The following USF3 variants were observed in gnomAD, a reference collection of about 807,000 sequenced individuals.
USF3 encodes the protein basic helix-loop-helix domain-containing protein USF3.
USF3 carries 29 observed loss-of-function variants against 157.5 expected under a neutral mutation model. That is an observed-to-expected ratio of 0.18 (90% CI 0.14 to 0.25). The LOEUF (loss-of-function observed/expected upper bound fraction) is 0.25, where lower values mean the gene tolerates loss of function less well. Among genes scored for constraint, USF3 ranks in the 10% least tolerant of loss-of-function variants. The pLI is 1.00. For synonymous variants in USF3, 893 were observed against 941.4 expected (o/e 0.95, Z 0.94); for missense variants, 2,381 against 2,667.6 (o/e 0.89, Z 2.37).
At position 113,657,486 on chromosome 3, in the gene USF3, G is replaced by C; in HGVS notation, c.4196C>G (p.Thr1399Arg). ...VSNPAHGDGL[T>R]RLFPPSNNFV... is the part of the protein sequence containing the mutation. ...GTTGTTACTAGGTGGAAATAATCGT[G>C]TAAGGCCATCTCCATGAGCTGGGTT... Residue 1399 changes from threonine (T) to arginine (R), a missense_variant, in exon 7 of 7, where the codon ACA becomes AGA. This residue lies in a region of USF3 where 1,435 missense variants were observed against 1,550.9 expected (regional missense o/e 0.93). Coordinates refer to ENST00000316407, the MANE Select transcript of USF3 (RefSeq NM_001009899.4). 1 of 1,614,190 alleles carries C rather than the reference G, an allele frequency of 6.2e-7. No homozygotes were observed. Among genetic ancestry groups the C allele is most frequent in the Non-Finnish European group, 8.5e-7 (1 of 1,180,032 alleles).
At position 113,661,095 on chromosome 3, in the gene USF3, A is replaced by T. The variant is rs1260770167; in HGVS notation, c.587T>A (p.Val196Glu). Residue 196 changes from valine to glutamate, a missense_variant, in exon 7 of 7, where the codon GTA becomes GAA. Val to Glu is a moderately radical substitution (Grantham distance 121). Around this residue, in one of 6 missense-constraint regions of USF3, gnomAD observed 1,435 missense variants for 1,550.9 expected, o/e 0.93. Coordinates refer to ENST00000316407, the MANE Select transcript of USF3 (RefSeq NM_001009899.4). The stretch of plus-strand genomic sequence containing the variant: ...AGAAGGGTAAACTCCAGAAATAGAT[A>T]CAGGAGTCACAAGATTGCAAGTCCT... ...VQRTCNLVTP[V>E]SISGVYPSEN... The T allele has an allele frequency of 1.2e-6, 2 of 1,614,154 alleles. No homozygotes were observed. The highest frequency in any genetic ancestry group is 1.7e-6 in the Non-Finnish European group (2 of 1,179,972).
At chr3:113,693,581 T>C (rs1195850735) in intron 1 of USF3, among the ~76,000 whole-genome samples, 1 of 151,868 alleles carries the variant, frequency 6.6e-6, no homozygotes, top group Non-Finnish European at 1.5e-5. Context: ...GTCAGAAGGG[T>C]TCCAAACCAA....
In USF3 at chr3:113,660,723, G is replaced by C; in HGVS notation, c.959C>G (p.Ser320Cys). 6.2e-7 allele frequency: 1 copy of C among 1,614,228 alleles called. No homozygotes were observed. The highest frequency in any genetic ancestry group is 8.5e-7 in the Non-Finnish European group (1 of 1,180,042). ...TCTGAAGTCCTGTATGCTCAGGCAG[G>C]ACTTGTTTCCATGGTGCACTTTAGT... ...TATKVHHGNKSCLSIQDFRGD... is the reference protein window; with the variant it reads ...TATKVHHGNKCCLSIQDFRGD... The change falls in exon 7 of 7, where the codon TCC becomes TGC. Residue 320 changes from serine to cysteine, a missense_variant. Around this residue, in one of 6 missense-constraint regions of USF3, gnomAD observed 1,435 missense variants for 1,550.9 expected, o/e 0.93. Transcript: ENST00000316407.
At chr3:113,695,701 A>G (rs1415677622) in intron 1 of USF3, among the ~76,000 whole-genome samples, 1 of 152,228 alleles carries the variant, frequency 6.6e-6, no homozygotes, top group African/African-American at 2.4e-5. Context: ...GGTTGGGAGG[A>G]CAAGCTTCAA....
chr3:113,693,395 A>C (rs370630822), intron 1 of USF3, among the ~76,000 whole-genome samples: 8 of 152,344 alleles, frequency 5.3e-5, no homozygotes, highest in African/African-American at 1.9e-4. Context: ...AAGTGCTAGC[A>C]CAGAAACAAG....
At position 113,658,089 on chromosome 3, in the gene USF3, G is replaced by T; in HGVS notation, c.3593C>A (p.Ser1198Tyr). ...CATAGTTGCTTCAATTGAACCCTGAGAATTAAATTCATTTGGTGTTGCTTC... is the reference window on the plus strand; with the variant it reads ...CATAGTTGCTTCAATTGAACCCTGATAATTAAATTCATTTGGTGTTGCTTC... ...QAEATPNEFN[S>Y]QGSIEATMER... is the part of the protein sequence containing the mutation. The change falls in exon 7 of 7, where the codon TCT becomes TAT. Residue 1198 changes from serine (S) to tyrosine (Y), a missense_variant. By Grantham distance (144) the Ser-to-Tyr change is moderately radical. Coordinates refer to ENST00000316407, the MANE Select transcript of USF3 (RefSeq NM_001009899.4). 6.2e-7 allele frequency: 1 copy of T among 1,614,158 alleles called. No individual in the cohort carries two copies. Among genetic ancestry groups the T allele is most frequent in the Non-Finnish European group, 8.5e-7 (1 of 1,180,022 alleles).
In USF3 at chr3:113,660,165, A is replaced by G; in HGVS notation, c.1517T>C (p.Met506Thr). The G allele has an allele frequency of 6.2e-7, 1 of 1,614,194 alleles. No homozygotes were observed. The highest frequency in any genetic ancestry group is 1.3e-5 in the African/African-American group (1 of 75,050). Residue 506 changes from methionine (M) to threonine (T), a missense_variant, in exon 7 of 7, where the codon ATG becomes ACG. Met to Thr is a moderately conservative substitution (Grantham distance 81, BLOSUM62 -1). Transcript: ENST00000316407. ...VTLPSCPSLP[M>T]QPLIAQPQVK... ...TTGTGGCTGGGCAATTAGTGGCTGCATAGGTAAAGATGGACAAGAAGGCAA... is the reference window on the plus strand; with the variant it reads ...TTGTGGCTGGGCAATTAGTGGCTGCGTAGGTAAAGATGGACAAGAAGGCAA...
chr3:113,679,996 T>C (rs1707372859), intron 1 of USF3, among the ~76,000 whole-genome samples: 1 of 150,572 alleles, frequency 6.6e-6, no homozygotes, highest in Admixed American at 6.6e-5. Context: ...CAGGCTGGAG[T>C]GCAGTAGAGG....
rs199892904 is a variant in USF3, at chr3:113,679,236, TGC to T, written c.-134-1841_-134-1840del. The stretch of plus-strand genomic sequence containing the variant: ...CAAACCCAGTAGTTTTCAAGTGTGG[TGC>T]TCAGATCACCTGCATCAAAATCACA... On this transcript the variant is annotated intron_variant, in intron 1 of 6. Transcript: ENST00000316407. Among the ~76,000 whole-genome samples, 690 of 152,222 alleles carry T rather than the reference TGC, an allele frequency of 4.5e-3. 14 individuals carry two copies. The highest frequency in any genetic ancestry group is 0.031 in the Admixed American group (469 of 15,282).
intron 3 of USF3, among the ~76,000 whole-genome samples, chr3:113,673,666 A>G (rs1032535031): frequency 6.6e-6 from 1 of 152,224 alleles, no homozygotes; most frequent in Non-Finnish European, 1.5e-5. Context: ...TGAAAAGCTT[A>G]ATTAACTATT....
At chr3:113,663,630 G>C (rs1431339383) in intron 6 of USF3, among the ~76,000 whole-genome samples, 1 of 152,154 alleles carries the variant, frequency 6.6e-6, no homozygotes, top group Non-Finnish European at 1.5e-5. Context: ...GGCCTACTGA[G>C]TTGTCACAGA....
intron 2 of USF3, among the ~76,000 whole-genome samples, chr3:113,676,138 T>G (rs146126717): frequency 1.3e-3 from 193 of 152,308 alleles, no homozygotes; most frequent in African/African-American, 4.4e-3. Context: ...AGTTCCAAAC[T>G]TTCCCACATT....
At position 113,656,185 on chromosome 3, in the gene USF3, T is replaced by C; in HGVS notation, c.5497A>G (p.Ile1833Val). Reference sequence around the variant, plus strand: ...TCTGAGAGTGACCTCTGGCTCCCAATGACCTGATCACTGAGGTGAGGGGCA... The same window carrying C: ...TCTGAGAGTGACCTCTGGCTCCCAACGACCTGATCACTGAGGTGAGGGGCA... ...LLAPHLSDQV[I>V]GSQRSLSEHQ... The change falls in exon 7 of 7, where the codon ATT (isoleucine) becomes GTT (valine). Residue 1833 changes from isoleucine to valine, a missense_variant. Physicochemically the swap from Ile to Val is conservative, Grantham distance 29. Around this residue, in one of 6 missense-constraint regions of USF3, gnomAD observed 770 missense variants for 824.2 expected, o/e 0.93. Coordinates refer to ENST00000316407, the MANE Select transcript of USF3 (RefSeq NM_001009899.4). 4 of 1,614,190 alleles carry C rather than the reference T, an allele frequency of 2.5e-6. No individual in the cohort carries two copies. The highest frequency in any genetic ancestry group is 2.5e-6 in the Non-Finnish European group (3 of 1,180,026).
In USF3 at chr3:113,652,108, A is replaced by AGAGAGAGTGT. The variant is rs1266464109; in HGVS notation, c.*2835_*2836insACACTCTCTC. 1 of 141,978 alleles carries AGAGAGAGTGT rather than the reference A, an allele frequency of 7.0e-6. No individual in the cohort carries two copies. Among genetic ancestry groups the AGAGAGAGTGT allele is most frequent in the African/African-American group, 2.6e-5 (1 of 38,276 alleles). 8.8% of individuals were successfully genotyped at this position (141,978 alleles called of 1,614,324 possible). On this transcript the variant is annotated 3_prime_UTR_variant, in exon 7 of 7. Transcript: ENST00000316407. ...TGGAGAGAGAGAGAGAGAGAGAGAGAGTGTGTGTGTGTGTGTGTGTGTGTG... is the reference window on the plus strand; with the variant it reads ...TGGAGAGAGAGAGAGAGAGAGAGAGAGAGAGAGTGTGTGTGTGTGTGTGTGTGTGTGTGTG...
In USF3 at chr3:113,649,956, C is replaced by T. The variant is rs896667610; in HGVS notation, c.*4988G>A. 14 of 668,024 alleles carry T rather than the reference C, an allele frequency of 2.1e-5. No homozygotes were observed. In the Admixed American group the frequency reaches 2.8e-4, roughly 13 times the overall value. The allele number at this position is 668,024 out of a possible 1,614,324, so 41.4% of individuals were successfully genotyped here. The stretch of plus-strand genomic sequence containing the variant: ...AAATGGTAATGTTCAGCCAAAAAGG[C>T]ATCTTGAGAAGAAACTAACTTCTGC... On this transcript the variant is annotated 3_prime_UTR_variant, in exon 7 of 7. Coordinates refer to ENST00000316407, the MANE Select transcript of USF3 (RefSeq NM_001009899.4).
intron 1 of USF3, among the ~76,000 whole-genome samples, chr3:113,679,070 C>A (rs903697988): frequency 1.3e-5 from 2 of 151,414 alleles, no homozygotes; most frequent in Non-Finnish European, 2.9e-5. Flanking sequence ...GATCCTCCCG[C>A]CGCAGTCTTC....
Position 113,658,281 on chromosome 3 carries a change from G to C in USF3, c.3401C>G (p.Ala1134Gly), listed in dbSNP as rs918096060. Residue 1134 changes from alanine (A) to glycine (G), a missense_variant, in exon 7 of 7, where the codon GCT becomes GGT. Ala to Gly is a moderately conservative substitution (Grantham distance 60). This residue lies in a region of USF3 where 1,435 missense variants were observed against 1,550.9 expected (regional missense o/e 0.93). Coordinates refer to ENST00000316407, the MANE Select transcript of USF3 (RefSeq NM_001009899.4). ...CTFVEQTDIVALAARAIFDQE... is the reference protein window; with the variant it reads ...CTFVEQTDIVGLAARAIFDQE... ...GTCAAAAATAGCTCTTGCTGCAAGA[G>C]CTACTATATCAGTTTGCTCTACAAA... 2.5e-6 allele frequency: 4 copies of C among 1,614,166 alleles called. No homozygotes were observed.
intron 1 of USF3, among the ~76,000 whole-genome samples, chr3:113,695,481 G>A (rs886764410): frequency 6.6e-6 from 1 of 152,214 alleles, no homozygotes; most frequent in South Asian, 2.1e-4. Flanking sequence ...CAAGAAATCT[G>A]TACGTTGTTT....
At chr3:113,682,685 G>A (rs1222187989) in intron 1 of USF3, among the ~76,000 whole-genome samples, 1 of 152,124 alleles carries the variant, frequency 6.6e-6, no homozygotes, top group Non-Finnish European at 1.5e-5. Context: ...TCCTCTTGCT[G>A]AAATGTTCCC....
Sources: allele counts gnomAD v4.1 joint callset (sites outside exome capture counted in the v4.1 genomes callset), GRCh38; gene constraint gnomAD v4.1.1; regional missense constraint gnomAD v4.1.1; transcripts MANE v1.5; gene names NCBI Gene and HGNC (gene_info 2026-07-23, HGNC 2026-07-21).